The following ADAMTSL1 variants were observed in gnomAD, a reference collection of about 807,000 sequenced individuals.
ADAMTSL1 encodes ADAMTS-like protein 1.
Under a neutral mutation model 201.8 loss-of-function variants are expected in ADAMTSL1, and 126 were observed. The ratio of observed to expected loss-of-function variants is 0.62; its 90% CI spans 0.54 to 0.72. The LOEUF is 0.72. ADAMTSL1 is among the 30% of genes least tolerant of loss of function. The probability of loss-of-function intolerance (pLI) is 0.00; values close to 1 mark genes in which losing one functional copy is unlikely to be tolerated. For missense variants in ADAMTSL1, 2,679 were observed against 2,277.8 expected, an observed-to-expected ratio of 1.18 and a Z score of -3.59; for synonymous variants, 1,121 against 903.4, an observed-to-expected ratio of 1.24 and a Z score of -4.32.
chr9:18,890,137 A>G (rs1187114472), intron 25 of ADAMTSL1, among the ~76,000 whole-genome samples: 4 of 152,166 alleles, frequency 2.6e-5, no homozygotes, highest in African/African-American at 9.6e-5. Flanking sequence ...AACAACGATT[A>G]CTGGGTTCTG....
intron 2 of ADAMTSL1, among the ~76,000 whole-genome samples, chr9:18,528,154 A>C (rs980178981): frequency 6.6e-6 from 1 of 152,176 alleles, no homozygotes; most frequent in Non-Finnish European, 1.5e-5. Context: ...CTGGGATTAC[A>C]GGCATGAGCC....
At chr9:18,476,336 C>T (rs1019188810) in intron 1 of ADAMTSL1, among the ~76,000 whole-genome samples, 1 of 151,974 alleles carries the variant, frequency 6.6e-6, no homozygotes, top group Non-Finnish European at 1.5e-5. Flanking sequence ...ACCCAAAGGT[C>T]AAATAATGGA....
chr9:18,506,455 A>G (rs1587403706), intron 2 of ADAMTSL1, among the ~76,000 whole-genome samples: 1 of 152,184 alleles, frequency 6.6e-6, no homozygotes, highest in Admixed American at 6.5e-5. Flanking sequence ...GAATTTTCAT[A>G]TTGTCTCAGT....
intron 2 of ADAMTSL1, among the ~76,000 whole-genome samples, chr9:18,424,257 G>T (rs1485925129): frequency 6.6e-6 from 1 of 152,170 alleles, no homozygotes; most frequent in Non-Finnish European, 1.5e-5. Flanking sequence ...AAGCAAGTGG[G>T]GCTGAGAAAC....
rs746880657 is a variant in ADAMTSL1, at chr9:18,854,678, G to A, written c.4249+24701G>A. Among the ~76,000 whole-genome samples, 4 of 152,120 alleles carry A rather than the reference G, an allele frequency of 2.6e-5. No individual in the cohort carries two copies. The South Asian group carries it at 6.2e-4, about 24-fold the overall frequency. On this transcript the variant is annotated intron_variant, in intron 23 of 28. Transcript: ENST00000380548. ...GCAGAGAGAAAGAGCTAGAGAAAAC[G>A]AAAGAAAGAGAGTGAATAGCTGGGC...
At chr9:18,347,513 C>T (rs1318566749) in intron 2 of ADAMTSL1, among the ~76,000 whole-genome samples, 1 of 152,098 alleles carries the variant, frequency 6.6e-6, no homozygotes, top group Non-Finnish European at 1.5e-5. Context: ...GGAGCAAAAC[C>T]TCTTCAGCTC....
intron 1 of ADAMTSL1, among the ~76,000 whole-genome samples, chr9:17,931,363 T>C (rs1826778574): frequency 6.6e-6 from 1 of 152,154 alleles, no homozygotes; most frequent in Non-Finnish European, 1.5e-5. Context: ...CTGAATTCTT[T>C]CTATTTCAAT....
chr9:18,262,245 A>G (rs1831952226), intron 2 of ADAMTSL1, among the ~76,000 whole-genome samples: 1 of 152,148 alleles, frequency 6.6e-6, no homozygotes, highest in African/African-American at 2.4e-5. Context: ...GCTAAGGATC[A>G]TATATTAGGG....
chr9:18,092,332 G>C (rs961985), intron 1 of ADAMTSL1, among the ~76,000 whole-genome samples: 1 of 152,094 alleles, frequency 6.6e-6, no homozygotes, highest in Non-Finnish European at 1.5e-5. Flanking sequence ...GGAAGGCTTC[G>C]CAAAGGAAGT....
At chr9:18,212,745 G>C (rs896777076) in intron 2 of ADAMTSL1, among the ~76,000 whole-genome samples, 10 of 152,104 alleles carry the variant, frequency 6.6e-5, no homozygotes, top group African/African-American at 1.9e-4. Context: ...CATTCAAAGG[G>C]AAGACAACTT....
chr9:18,711,454 G>A (rs935537318), intron 14 of ADAMTSL1, among the ~76,000 whole-genome samples: 3 of 152,386 alleles, frequency 2.0e-5, no homozygotes, highest in Admixed American at 2.0e-4. Flanking sequence ...GGGTCAGGGA[G>A]TTCCCTTTCC....
intron 23 of ADAMTSL1, among the ~76,000 whole-genome samples, chr9:18,881,302 A>G (rs1405608558): frequency 6.6e-6 from 1 of 152,138 alleles, no homozygotes; most frequent in African/African-American, 2.4e-5. Context: ...TTCCCCACTA[A>G]GCTTAATCAT....
chr9:17,924,545 C>T (rs74955294), intron 1 of ADAMTSL1, among the ~76,000 whole-genome samples: 121 of 150,854 alleles, frequency 8.0e-4, no homozygotes, highest in African/African-American at 1.9e-3. Context: ...TCAGAAATAA[C>T]GCCGCATACC....
chr9:18,046,455 A>G (rs925481910), intron 1 of ADAMTSL1, among the ~76,000 whole-genome samples: 1 of 152,174 alleles, frequency 6.6e-6, no homozygotes, highest in Non-Finnish European at 1.5e-5. Flanking sequence ...CATGACCAAA[A>G]AGTTGCATTA....
intron 4 of ADAMTSL1, among the ~76,000 whole-genome samples, chr9:18,617,645 T>C (rs1244613470): frequency 2.0e-5 from 3 of 152,066 alleles, no homozygotes; most frequent in Non-Finnish European, 4.4e-5. Context: ...TACACATATA[T>C]GTATATAAGA....
chr9:18,474,079 C>A, upstream of ADAMTSL1: 28 of 520,790 alleles, frequency 5.4e-5, no homozygotes, highest in Admixed American at 9.1e-5. Context: ...CACCCATCCA[C>A]CCACCCACCC....
chr9:18,471,280 G>A (rs1375498741), upstream of ADAMTSL1, among the ~76,000 whole-genome samples: 1 of 152,088 alleles, frequency 6.6e-6, no homozygotes, highest in African/African-American at 2.4e-5. Flanking sequence ...ATCATATATA[G>A]ATATAATGCA....
chr9:18,368,234 G>T (rs1485652047), intron 2 of ADAMTSL1, among the ~76,000 whole-genome samples: 1 of 152,066 alleles, frequency 6.6e-6, no homozygotes, highest in African/African-American at 2.4e-5. Context: ...TTTTAAAAGT[G>T]TATCACATGC....
In ADAMTSL1 at chr9:18,846,302, T is replaced by G. The variant is rs184702388; in HGVS notation, c.4249+16325T>G. Among the ~76,000 whole-genome samples the G allele has an allele frequency of 5.4e-3, 821 of 152,278 alleles. 9 individuals are homozygous for G. Among genetic ancestry groups the G allele is most frequent in the African/African-American group, 0.018 (764 of 41,552 alleles). ...GGAAATGGCAAGAGCTGGGGGCTTT[T>G]CAGGTCTCAGCTTGGCCAAGATTGC... On this transcript the variant is annotated intron_variant, in intron 23 of 28. Transcript: ENST00000380548.
Sources: allele counts gnomAD v4.1 joint callset (sites outside exome capture counted in the v4.1 genomes callset), GRCh38; gene constraint gnomAD v4.1.1; transcripts MANE v1.5; gene names NCBI Gene and HGNC (gene_info 2026-07-23, HGNC 2026-07-21).